Variants in PTPRD observed in about 807,000 individuals in gnomAD.
PTPRD encodes the protein receptor-type tyrosine-protein phosphatase delta.
Under a neutral mutation model 214.5 loss-of-function variants are expected in PTPRD, and 34 were observed. The observed-to-expected ratio is 0.16, with a 90% CI of 0.12 to 0.21. The LOEUF is 0.21. PTPRD is among the 10% of genes least tolerant of loss of function. PTPRD has a pLI of 1.00. For missense variants in PTPRD, 2,545 were observed against 2,398.7 expected, an observed-to-expected ratio of 1.06 and a Z score of -1.27; for synonymous variants, 1,128 against 845.7, an observed-to-expected ratio of 1.33 and a Z score of -5.79.
chr9:9,497,347 A>G (rs1288395820), intron 8 of PTPRD, among the ~76,000 whole-genome samples: 1 of 152,156 alleles, frequency 6.6e-6, no homozygotes, highest in African/African-American at 2.4e-5. Flanking sequence ...CAATCTATCA[A>G]ATTTCTTCTC....
chr9:9,230,018 G>A (rs1159377320), intron 9 of PTPRD, among the ~76,000 whole-genome samples: 1 of 151,950 alleles, frequency 6.6e-6, no homozygotes, highest in Non-Finnish European at 1.5e-5. Context: ...TTAAGTAATA[G>A]CAATAGATTC....
chr9:9,048,422 G>A (rs939580495), intron 10 of PTPRD, among the ~76,000 whole-genome samples: 3 of 152,104 alleles, frequency 2.0e-5, no homozygotes, highest in Non-Finnish European at 2.9e-5. Context: ...TCACCAGATG[G>A]ATGGATAAAT....
At position 8,317,714 on chromosome 9, in the gene PTPRD, T is replaced by C; in HGVS notation, c.*160A>G. 3.6e-6 allele frequency: 2 copies of C among 558,318 alleles called. 1 individual carries two copies. The highest frequency in any genetic ancestry group is 6.2e-5 in the South Asian group (2 of 32,500). 34.6% of individuals were successfully genotyped at this position (558,318 alleles called of 1,614,324 possible). A position where few individuals can be genotyped will look rare whatever the true frequency, so the allele number is the denominator to read the frequency against. ...TTAAACTGTGAATTCTTGGTCCACC[T>C]GGAATAATTTGTTTTTAATTTGTTT... On this transcript the variant is annotated 3_prime_UTR_variant, in exon 46 of 46. Coordinates refer to ENST00000381196, the MANE Select transcript of PTPRD (RefSeq NM_002839.4).
At chr9:9,584,819 G>T (rs1037580271) in intron 7 of PTPRD, among the ~76,000 whole-genome samples, 1 of 151,700 alleles carries the variant, frequency 6.6e-6, no homozygotes, top group Admixed American at 6.6e-5. Context: ...TATCTCTCTG[G>T]AGAACTTTGC....
intron 2 of PTPRD, among the ~76,000 whole-genome samples, chr9:10,598,313 G>A (rs1374342075): frequency 6.6e-6 from 1 of 151,634 alleles, no homozygotes; most frequent in East Asian, 1.9e-4. Flanking sequence ...AGTAAAATTA[G>A]CCTAATATTA....
chr9:10,327,102 C>A (rs1311670699), intron 3 of PTPRD, among the ~76,000 whole-genome samples: 1 of 149,530 alleles, frequency 6.7e-6, no homozygotes, highest in Non-Finnish European at 1.5e-5. Context: ...GCACATATAT[C>A]ATGTACATTA....
At chr9:9,688,473 T>G (rs781225377) in intron 7 of PTPRD, among the ~76,000 whole-genome samples, 1 of 151,920 alleles carries the variant, frequency 6.6e-6, no homozygotes, top group South Asian at 2.1e-4. Context: ...TTGTTGCTGC[T>G]GTTTTGTCTG....
At chr9:9,216,717 T>C (rs1264999802) in intron 9 of PTPRD, among the ~76,000 whole-genome samples, 1 of 152,218 alleles carries the variant, frequency 6.6e-6, no homozygotes, top group Non-Finnish European at 1.5e-5. Context: ...TCTTTCTTTT[T>C]CTTCTGATTT....
intron 3 of PTPRD, among the ~76,000 whole-genome samples, chr9:10,302,285 A>G (rs1565151395): frequency 6.6e-6 from 1 of 152,202 alleles, no homozygotes. Flanking sequence ...ATGGAAGGGA[A>G]CAACTGGTAC....
rs931147861 is a variant in PTPRD, at chr9:9,032,950, C to T, written c.-142-14215G>A. On this transcript the variant is annotated intron_variant, in intron 10 of 45. Transcript: ENST00000381196. ...TAGGGAAACCTCTCTGTACGGGACTCTCAGACCAGCAGATACACTTCATAT... is the reference window on the plus strand; with the variant it reads ...TAGGGAAACCTCTCTGTACGGGACTTTCAGACCAGCAGATACACTTCATAT... Among the ~76,000 whole-genome samples, 9 of 152,062 alleles carry T rather than the reference C, an allele frequency of 5.9e-5. No individual in the cohort carries two copies. In the South Asian group the frequency reaches 1.4e-3, roughly 24 times the overall value.
chr9:9,729,462 G>A (rs2098147329), intron 7 of PTPRD, among the ~76,000 whole-genome samples: 1 of 152,010 alleles, frequency 6.6e-6, no homozygotes, highest in African/African-American at 2.4e-5. Flanking sequence ...TAACTGCAAG[G>A]TGGAAGGAAA....
chr9:9,937,820 T>C (rs1293588744), intron 5 of PTPRD, among the ~76,000 whole-genome samples: 1 of 152,192 alleles, frequency 6.6e-6, no homozygotes, highest in East Asian at 1.9e-4. Flanking sequence ...AAATAAGCTG[T>C]ATAATACATA....
At chr9:9,262,101 C>T (rs1464191867) in intron 9 of PTPRD, among the ~76,000 whole-genome samples, 2 of 151,558 alleles carry the variant, frequency 1.3e-5, no homozygotes, top group African/African-American at 4.8e-5. Context: ...TGGGGTGTCC[C>T]ACAGTGTAAT....
intron 11 of PTPRD, among the ~76,000 whole-genome samples, chr9:8,904,223 G>T (rs953017006): frequency 2.6e-5 from 4 of 152,104 alleles, no homozygotes; most frequent in Non-Finnish European, 4.4e-5. Flanking sequence ...TATCTCCTAA[G>T]AACTACTAGG....
chr9:9,079,677 C>T (rs1236091857), intron 10 of PTPRD, among the ~76,000 whole-genome samples: 1 of 152,044 alleles, frequency 6.6e-6, no homozygotes, highest in Admixed American at 6.6e-5. Context: ...GGTGACATAA[C>T]CTTTGGCAGG....
chr9:9,380,812 C>G (rs533296826), intron 9 of PTPRD, among the ~76,000 whole-genome samples: 4 of 152,240 alleles, frequency 2.6e-5, no homozygotes, highest in African/African-American at 7.2e-5. Context: ...TCTTCCATTT[C>G]TCCTTATAAT....
chr9:9,885,307 C>T (rs947660739), intron 5 of PTPRD, among the ~76,000 whole-genome samples: 2 of 151,886 alleles, frequency 1.3e-5, no homozygotes, highest in South Asian at 2.1e-4. Context: ...TAAGATAAGG[C>T]CAACGTGAGA....
intron 34 of PTPRD, among the ~76,000 whole-genome samples, chr9:8,444,096 T>C (rs2095640238): frequency 6.6e-6 from 1 of 152,286 alleles, no homozygotes; most frequent in East Asian, 1.9e-4. Flanking sequence ...TGCTATCATA[T>C]TTCCAGGTGT....
chr9:10,241,817 TTAAA>T (rs1474689693), intron 3 of PTPRD, among the ~76,000 whole-genome samples: 1 of 151,964 alleles, frequency 6.6e-6, no homozygotes, highest in Non-Finnish European at 1.5e-5. Context: ...ACTGTACACT[TTAAA>T]TAGGGACAAT....
Sources: allele counts gnomAD v4.1 joint callset (sites outside exome capture counted in the v4.1 genomes callset), GRCh38; gene constraint gnomAD v4.1.1; transcripts MANE v1.5; gene names NCBI Gene and HGNC (gene_info 2026-07-23, HGNC 2026-07-21).